The following GRID2 variants were observed in gnomAD, a reference collection of about 807,000 sequenced individuals.
The protein encoded by GRID2 is glutamate receptor ionotropic, delta-2.
Under a neutral mutation model 114.8 loss-of-function variants are expected in GRID2, and 33 were observed. That is an observed-to-expected ratio of 0.29 (90% CI 0.22 to 0.38). GRID2 has a LOEUF of 0.38. Ranked by LOEUF, GRID2 falls within the 10% of genes least tolerant of loss-of-function variation. GRID2 has a pLI of 1.00. For missense variants in GRID2, 1,184 were observed against 1,257.7 expected (o/e 0.94, Z 0.89); for synonymous variants, 505 against 449.9 (o/e 1.12, Z -1.55).
chr4:93,514,422 TACACACACACACACACACAC>T (rs56718347), intron 12 of GRID2, among the ~76,000 whole-genome samples: 1 of 139,662 alleles, frequency 7.2e-6, no homozygotes, highest in South Asian at 2.4e-4. Flanking sequence ...ACCTCCACAG[TACACACACACACACACACAC>T]ACACACACAC....
At chr4:93,751,648 G>A (rs1560973399) in intron 14 of GRID2, among the ~76,000 whole-genome samples, 1 of 152,150 alleles carries the variant, frequency 6.6e-6, no homozygotes, top group Non-Finnish European at 1.5e-5. Flanking sequence ...AGGAGATCTG[G>A]AGAGTGAGCT....
chr4:92,759,723 T>C (rs541586465), intron 2 of GRID2, among the ~76,000 whole-genome samples: 32 of 151,926 alleles, frequency 2.1e-4, no homozygotes, highest in African/African-American at 6.8e-4. Flanking sequence ...CCTGTCTCAG[T>C]TTCCCAAGTA....
chr4:93,067,480 T>C (rs1046575082), intron 2 of GRID2, among the ~76,000 whole-genome samples: 4 of 152,022 alleles, frequency 2.6e-5, no homozygotes, highest in African/African-American at 7.2e-5. Flanking sequence ...ATAAGGTTAC[T>C]TATCCCATTG....
At chr4:92,866,824 T>C (rs531092151) in intron 2 of GRID2, among the ~76,000 whole-genome samples, 115 of 152,254 alleles carry the variant, frequency 7.6e-4, no homozygotes, top group African/African-American at 2.7e-3. Flanking sequence ...GTGCGGGGAT[T>C]GTAGGCGTGA....
At chr4:92,401,131 TTTG>T (rs1730768922) in intron 1 of GRID2, among the ~76,000 whole-genome samples, 5 of 152,274 alleles carry the variant, frequency 3.3e-5, no homozygotes, top group African/African-American at 1.2e-4. Flanking sequence ...TTGCTGTGCT[TTTG>T]TTGTTATATA....
chr4:92,584,817 C>T (rs1444615129), intron 1 of GRID2, among the ~76,000 whole-genome samples: 1 of 152,010 alleles, frequency 6.6e-6, no homozygotes, highest in Non-Finnish European at 1.5e-5. Flanking sequence ...TAGCTCCAAA[C>T]TTGAAACAAG....
At chr4:92,498,511 T>A (rs111476696) in intron 1 of GRID2, among the ~76,000 whole-genome samples, 1 of 152,040 alleles carries the variant, frequency 6.6e-6, no homozygotes, top group African/African-American at 2.4e-5. Flanking sequence ...AGGATAAGGT[T>A]TTTAATTTTA....
rs1050791450 is a variant in GRID2 at position 93,362,960 on chromosome 4, C to A, written c.1246-32647C>A. Among the ~76,000 whole-genome samples the A allele has an allele frequency of 2.6e-5, 4 of 152,228 alleles. No homozygotes were observed. In the East Asian group the frequency reaches 7.7e-4, roughly 29 times the overall value. ...TGCAGCGGGGCACGGTGGCTCACAC[C>A]TGTGATCCCAGCACTTTGACAGGCT... On this transcript the variant is annotated intron_variant, in intron 8 of 15. Transcript: ENST00000282020.
At chr4:93,111,751 C>CTTTATT (rs1553989518) in intron 4 of GRID2, among the ~76,000 whole-genome samples, 1 of 131,436 alleles carries the variant, frequency 7.6e-6, no homozygotes, top group African/African-American at 2.8e-5. Context: ...TTGTTTAATA[C>CTTTATT]TTTTTTTTTT....
At chr4:92,603,822 C>A (rs775585403) in intron 2 of GRID2, among the ~76,000 whole-genome samples, 1 of 150,900 alleles carries the variant, frequency 6.6e-6, no homozygotes, top group Admixed American at 6.6e-5. Flanking sequence ...CTACAAGGAA[C>A]TTAAACAAAT....
At chr4:93,633,990 A>T (rs1440688093) in intron 14 of GRID2, among the ~76,000 whole-genome samples, 2 of 152,172 alleles carry the variant, frequency 1.3e-5, no homozygotes, top group African/African-American at 4.8e-5. Context: ...TGGTTAAAAG[A>T]ATCTCTCAGA....
chr4:93,557,827 C>T (rs2196322), intron 13 of GRID2, among the ~76,000 whole-genome samples: 45,046 of 152,036 alleles, frequency 0.3, 7,155 homozygotes, highest in Middle Eastern at 0.38. Flanking sequence ...AAATTGACCA[C>T]ATAATTGGAA....
chr4:93,735,488 T>C (rs1401713912), intron 14 of GRID2, among the ~76,000 whole-genome samples: 1 of 152,052 alleles, frequency 6.6e-6, no homozygotes, highest in Non-Finnish European at 1.5e-5. Context: ...AGTTCTTTCA[T>C]TTTCTATCTA....
chr4:93,118,099 T>C (rs1579039393), intron 4 of GRID2, among the ~76,000 whole-genome samples: 1 of 152,180 alleles, frequency 6.6e-6, no homozygotes. Context: ...GGTAGAGGTC[T>C]TGATGCTTAA....
At chr4:92,659,123 A>G (rs139983013) in intron 2 of GRID2, among the ~76,000 whole-genome samples, 16 of 151,710 alleles carry the variant, frequency 1.1e-4, no homozygotes, top group African/African-American at 3.6e-4. Context: ...GAGTGCAAAT[A>G]AAATACTAAA....
At chr4:92,759,450 TC>T (rs1231808710) in intron 2 of GRID2, among the ~76,000 whole-genome samples, 3 of 152,132 alleles carry the variant, frequency 2.0e-5, no homozygotes, top group Non-Finnish European at 4.4e-5. Context: ...AAAAGGAACT[TC>T]CCCCCAATAC....
chr4:93,809,091 A>G (rs556921580), exon 2 of GRID2: 1 of 152,154 alleles, frequency 6.6e-6, no homozygotes, highest in East Asian at 1.9e-4. Context: ...CTATGATAAG[A>G]TGTGTTTCTG....
chr4:92,890,735 C>A (rs1047309693), intron 2 of GRID2, among the ~76,000 whole-genome samples: 15 of 152,130 alleles, frequency 9.9e-5, no homozygotes, highest in Middle Eastern at 3.2e-3. Context: ...ACCAGAAATA[C>A]CTTTTGACCC....
intron 14 of GRID2, among the ~76,000 whole-genome samples, chr4:93,734,483 AC>A (rs1730758459): frequency 6.6e-6 from 1 of 152,084 alleles, no homozygotes; most frequent in Admixed American, 6.6e-5. Flanking sequence ...AAATTTCATA[AC>A]ATACATAAAA....
Sources: allele counts gnomAD v4.1 joint callset (sites outside exome capture counted in the v4.1 genomes callset), GRCh38; gene constraint gnomAD v4.1.1; transcripts MANE v1.5; gene names NCBI Gene and HGNC (gene_info 2026-07-23, HGNC 2026-07-21).